The following LAMA2 variants were observed in gnomAD, a reference collection of about 807,000 sequenced individuals.
The protein encoded by LAMA2 is laminin subunit alpha-2.
A neutral mutation model predicts 364.8 loss-of-function variants in LAMA2; 269 were observed. The observed-to-expected ratio is 0.74, with a 90% confidence interval of 0.67 to 0.82. The LOEUF is 0.82. LAMA2 is among the 40% of genes least tolerant of loss of function. The probability of loss-of-function intolerance (pLI) is 0.00; values close to 1 mark genes in which losing one functional copy is unlikely to be tolerated. For missense variants in LAMA2, 3,807 were observed against 3,873.2 expected (o/e 0.98, Z 0.45); for synonymous variants, 1,379 against 1,370.6 (o/e 1.01, Z -0.14).
At chr6:129,261,387 C>T (rs1002067630) in intron 15 of LAMA2, among the ~76,000 whole-genome samples, 1 of 152,004 alleles carries the variant, frequency 6.6e-6, no homozygotes, top group Non-Finnish European at 1.5e-5. Context: ...TTATTGTTGT[C>T]TCAATATCCT....
At chr6:129,152,115 G>C (rs866554936) in intron 7 of LAMA2, among the ~76,000 whole-genome samples, 1 of 152,130 alleles carries the variant, frequency 6.6e-6, no homozygotes, top group African/African-American at 2.4e-5. Flanking sequence ...TAAGAAAAAA[G>C]TTAACCTGTT....
Position 129,328,300 on chromosome 6 carries a change from G to T in LAMA2, c.4199G>T (p.Arg1400Leu), listed in dbSNP as rs760541670. The change falls in exon 29 of 65, where the codon CGA (arginine) becomes CTA (leucine). Residue 1400 changes from arginine (R) to leucine (L), a missense_variant. Arg to Leu is a moderately radical substitution (Grantham distance 102). Transcript: ENST00000421865. ...CAGGCATGCTTGCCGGGATTTTATC[G>T]ACTGCGTTCTCAACCAGGTGGCCGC... Reference protein sequence around the residue: ...SCEACLPGFYRLRSQPGGRTP... With the variant: ...SCEACLPGFYLLRSQPGGRTP... 4 of 1,613,882 alleles carry T rather than the reference G, an allele frequency of 2.5e-6. No homozygotes were observed. The highest frequency in any genetic ancestry group is 3.4e-6 in the Non-Finnish European group (4 of 1,179,998).
chr6:129,227,964 A>T (rs1358598186), intron 12 of LAMA2, among the ~76,000 whole-genome samples: 2 of 152,166 alleles, frequency 1.3e-5, no homozygotes. Context: ...CTTGAGCTGC[A>T]GTGGGCTTCA....
At chr6:129,314,421 T>TAAAAAAAAAAAAAAAAAAAAAAAAAAA (rs1774442307) in intron 23 of LAMA2, among the ~76,000 whole-genome samples, 2 of 94,620 alleles carry the variant, frequency 2.1e-5, no homozygotes, top group African/African-American at 4.0e-5. Flanking sequence ...AAAAAAAAAG[T>TAAAAAAAAAAAAAAAAAAAAAAAAAAA]ACAATACCTT....
intron 1 of LAMA2, among the ~76,000 whole-genome samples, chr6:129,034,337 T>C (rs1035669387): frequency 6.6e-6 from 1 of 152,148 alleles, no homozygotes; most frequent in African/African-American, 2.4e-5. Context: ...TGGAGGAGTT[T>C]GGGGAAGTTG....
chr6:129,350,236 G>A (rs1776783692), intron 31 of LAMA2, among the ~76,000 whole-genome samples: 1 of 152,192 alleles, frequency 6.6e-6, no homozygotes. Flanking sequence ...ATTGATAGCA[G>A]TATAAAAGTT....
At chr6:129,398,800 T>C (rs1779804586) in intron 37 of LAMA2, among the ~76,000 whole-genome samples, 2 of 152,182 alleles carry the variant, frequency 1.3e-5, no homozygotes, top group South Asian at 4.1e-4. Context: ...TTAAAAAATA[T>C]TTATTGAGGA....
At chr6:129,075,955 C>A (rs958965550) in intron 3 of LAMA2, among the ~76,000 whole-genome samples, 1 of 151,764 alleles carries the variant, frequency 6.6e-6, no homozygotes, top group Admixed American at 6.6e-5. Flanking sequence ...AAAAATTAGC[C>A]AGGCATAGTA....
intron 3 of LAMA2, among the ~76,000 whole-genome samples, chr6:129,097,565 G>T (rs7772780): frequency 2.0e-5 from 3 of 151,978 alleles, no homozygotes; most frequent in African/African-American, 7.3e-5. Context: ...GGTTCAATCC[G>T]TTGTCTTCAT....
At chr6:129,218,934 T>C (rs1189065710) in intron 12 of LAMA2, among the ~76,000 whole-genome samples, 2 of 152,192 alleles carry the variant, frequency 1.3e-5, no homozygotes, top group Non-Finnish European at 2.9e-5. Flanking sequence ...ACCTTAATGA[T>C]GGTATTGTGA....
chr6:129,183,337 T>G (rs1781042027), intron 10 of LAMA2, among the ~76,000 whole-genome samples: 1 of 152,028 alleles, frequency 6.6e-6, no homozygotes, highest in African/African-American at 2.4e-5. Flanking sequence ...TAAATTGACA[T>G]TGATCTAGTT....
chr6:128,959,776 T>G (rs1342783177), intron 1 of LAMA2, among the ~76,000 whole-genome samples: 1 of 152,152 alleles, frequency 6.6e-6, no homozygotes, highest in Non-Finnish European at 1.5e-5. Flanking sequence ...AAATACACTA[T>G]ATAGTTTACT....
chr6:129,510,502 C>T (rs1253790409), intron 62 of LAMA2, among the ~76,000 whole-genome samples: 3 of 151,924 alleles, frequency 2.0e-5, no homozygotes, highest in South Asian at 2.1e-4. Context: ...CATAGAAATA[C>T]GTGTATGTTC....
intron 4 of LAMA2, among the ~76,000 whole-genome samples, chr6:129,141,303 C>T (rs891452358): frequency 1.8e-4 from 27 of 151,932 alleles, no homozygotes; most frequent in Non-Finnish European, 7.4e-5. Flanking sequence ...AAATATAACT[C>T]AATTCTAAAC....
intron 4 of LAMA2, among the ~76,000 whole-genome samples, chr6:129,137,794 T>C (rs1352916186): frequency 6.6e-6 from 1 of 152,098 alleles, no homozygotes; most frequent in Non-Finnish European, 1.5e-5. Context: ...GATAATATAG[T>C]ATGTACTGAA....
At chr6:129,395,990 A>G (rs962874344) in intron 37 of LAMA2, among the ~76,000 whole-genome samples, 1 of 152,226 alleles carries the variant, frequency 6.6e-6, no homozygotes, top group Non-Finnish European at 1.5e-5. Flanking sequence ...AGAGAATCGC[A>G]TTGTGAGACT....
intron 14 of LAMA2, among the ~76,000 whole-genome samples, chr6:129,253,047 T>A (rs1786376976): frequency 6.6e-6 from 1 of 152,196 alleles, no homozygotes; most frequent in African/African-American, 2.4e-5. Context: ...CCCCTTTTTT[T>A]AAAAGAGTGA....
chr6:129,335,559 C>A (rs1457724389), intron 29 of LAMA2, among the ~76,000 whole-genome samples: 1 of 151,458 alleles, frequency 6.6e-6, no homozygotes, highest in Admixed American at 6.6e-5. Context: ...TATCATAATT[C>A]TTATTTTAAA....
chr6:128,969,861 G>T (rs1380233928), intron 1 of LAMA2, among the ~76,000 whole-genome samples: 1 of 152,202 alleles, frequency 6.6e-6, no homozygotes, highest in African/African-American at 2.4e-5. Flanking sequence ...TTGTATGCAA[G>T]TGGGCCTAAA....
Sources: allele counts gnomAD v4.1 joint callset (sites outside exome capture counted in the v4.1 genomes callset), GRCh38; gene constraint gnomAD v4.1.1; transcripts MANE v1.5; gene names NCBI Gene and HGNC (gene_info 2026-07-23, HGNC 2026-07-21).